Variants in EXOC1 observed in about 807,000 individuals in gnomAD.
EXOC1 encodes the protein SEC3-like 1.
In EXOC1, 67 loss-of-function variants were observed where a neutral mutation model predicts 107.7. The ratio of observed to expected loss-of-function variants is 0.62; its 90% CI spans 0.51 to 0.76. EXOC1 has a LOEUF of 0.76. Among genes scored for constraint, EXOC1 ranks in the 30% least tolerant of loss-of-function variants. EXOC1 has a pLI of 0.00. For synonymous variants in EXOC1, 348 were observed against 353.5 expected, an observed-to-expected ratio of 0.98 and a Z score of 0.17; for missense variants, 833 against 1,055.7, an observed-to-expected ratio of 0.79 and a Z score of 2.92.
chr4:55,893,576 G>A lies in EXOC1; in HGVS notation c.1749G>A (p.Met583Ile), dbSNP rs932825890. The change falls in exon 15 of 19, where the codon ATG becomes ATA. Residue 583 changes from methionine to isoleucine, a missense_variant. Met to Ile is a conservative substitution (Grantham distance 10). Around this residue, in one of 2 missense-constraint regions of EXOC1, gnomAD observed 617 missense variants for 701.3 expected, o/e 0.88. Coordinates refer to ENST00000381295, the MANE Select transcript of EXOC1 (RefSeq NM_001024924.2). The stretch of plus-strand genomic sequence containing the variant: ...GGAAAGATATGATCCGCCAAATGAT[G>A]ATTAAAATATTTCGCTGCATTGAGC... ...SSEKDMIRQM[M>I]IKIFRCIEPE... 2.5e-6 allele frequency: 4 copies of A among 1,613,534 alleles called. No homozygotes were observed. Among genetic ancestry groups the A allele is most frequent in the Non-Finnish European group, 3.4e-6 (4 of 1,179,974 alleles).
In EXOC1 at chr4:55,870,909, A is replaced by C. The variant is rs763662120; in HGVS notation, c.831+4A>C. On this transcript the variant is annotated splice_donor_region_variant and intron_variant, in intron 6 of 18. Transcript: ENST00000381295. The stretch of plus-strand genomic sequence containing the variant: ...ATCTGAGATAGAGTTCCTTGTGGTA[A>C]GTATGATCATAAATTACCAACAAAA... The C allele has an allele frequency of 1.2e-5, 19 of 1,604,396 alleles. No homozygotes were observed. The highest frequency in any genetic ancestry group is 9.4e-5 in the African/African-American group (7 of 74,300).
At position 55,899,903 on chromosome 4, in the gene EXOC1, A is replaced by G. The variant is rs1259084397; in HGVS notation, c.2337+19A>G. 1.3e-6 allele frequency: 2 copies of G among 1,592,068 alleles called. No homozygotes were observed. The highest frequency in any genetic ancestry group is 1.7e-6 in the Non-Finnish European group (2 of 1,168,416). On this transcript the variant is annotated intron_variant, in intron 17 of 18. Transcript: ENST00000381295. ...ACTAAATGTAAATATATTTTCATTCAGTATTTTTCCTACTTTTGAACCTAT... is the reference window on the plus strand; with the variant it reads ...ACTAAATGTAAATATATTTTCATTCGGTATTTTTCCTACTTTTGAACCTAT...
intron 9 of EXOC1, 140 bp from the exon 10 acceptor site, chr4:55,883,683 C>A: frequency 2.0e-6 from 1 of 492,958 alleles, no homozygotes; most frequent in East Asian, 3.6e-5. Flanking sequence ...CAGAAAGTAA[C>A]CTATTTTTAT....
At chr4:55,877,365 G>T (rs935445356) in intron 8 of EXOC1, 3 of 985,326 alleles carry the variant, frequency 3.0e-6, no homozygotes, top group Non-Finnish European at 3.6e-6. Flanking sequence ...TTTGCTTGTT[G>T]TTGGGAAATT....
chr4:55,871,209 T>C lies in EXOC1; in HGVS notation c.940T>C (p.Cys314Arg). The C allele has an allele frequency of 1.2e-6, 2 of 1,613,368 alleles. No individual in the cohort carries two copies. The highest frequency in any genetic ancestry group is 1.3e-5 in the African/African-American group (1 of 75,008). The change falls in exon 7 of 19, where the codon TGC (cysteine) becomes CGC (arginine). Residue 314 changes from cysteine to arginine, a missense_variant. Cys to Arg is a radical substitution (Grantham distance 180). Around this residue, in one of 2 missense-constraint regions of EXOC1, gnomAD observed 617 missense variants for 701.3 expected, o/e 0.88. Transcript: ENST00000381295. Reference protein sequence around the residue: ...CTNAADALLQCMNVALRPGHD... With the variant: ...CTNAADALLQRMNVALRPGHD... Reference sequence around the variant, plus strand: ...CAATGCTGCTGATGCCCTTCTGCAGTGCATGAATGTAGCTCTTCGACCAGG... The same window carrying C: ...CAATGCTGCTGATGCCCTTCTGCAGCGCATGAATGTAGCTCTTCGACCAGG...
intron 3 of EXOC1, among the ~76,000 whole-genome samples, chr4:55,862,406 T>G (rs1721563739): frequency 6.6e-6 from 1 of 152,144 alleles, no homozygotes; most frequent in Admixed American, 6.5e-5. Context: ...TAACTTAACA[T>G]TAGCCATTTA....
chr4:55,884,539 A>G (rs1723692672), intron 10 of EXOC1, among the ~76,000 whole-genome samples: 1 of 152,260 alleles, frequency 6.6e-6, no homozygotes, highest in African/African-American at 2.4e-5. Flanking sequence ...TTAAATGGAC[A>G]AAAACATTAT....
intron 8 of EXOC1, chr4:55,876,859 A>G: frequency 1.0e-6 from 1 of 985,242 alleles, no homozygotes; most frequent in Non-Finnish European, 1.2e-6. Flanking sequence ...TCTCACATGA[A>G]GAAAATTTTC....
intron 8 of EXOC1, chr4:55,877,071 G>A (rs2110346713): frequency 1.0e-6 from 1 of 976,208 alleles, no homozygotes; most frequent in Non-Finnish European, 1.2e-6. Context: ...AGGTTATTTT[G>A]TGTATATAGT....
At chr4:55,865,267 T>A (rs1347922437) in intron 4 of EXOC1, among the ~76,000 whole-genome samples, 9 of 152,196 alleles carry the variant, frequency 5.9e-5, no homozygotes, top group Non-Finnish European at 1.3e-4. Flanking sequence ...TACCATTAAT[T>A]AGTGAAAATA....
At chr4:55,860,930 G>A (rs1340459691) in intron 3 of EXOC1, among the ~76,000 whole-genome samples, 5 of 150,346 alleles carry the variant, frequency 3.3e-5, no homozygotes, top group East Asian at 1.9e-4. Context: ...GGCCTTTTGA[G>A]GCCACCATGG....
At chr4:55,882,162 G>A (rs370513090) in intron 9 of EXOC1, among the ~76,000 whole-genome samples, 20 of 151,804 alleles carry the variant, frequency 1.3e-4, no homozygotes, top group African/African-American at 4.8e-4. Flanking sequence ...GTTTTTTTAG[G>A]CAGGGTCTCA....
At chr4:55,901,161 CATAA>C (rs1326737762) in intron 17 of EXOC1, among the ~76,000 whole-genome samples, 1 of 152,076 alleles carries the variant, frequency 6.6e-6, no homozygotes, top group Non-Finnish European at 1.5e-5. Context: ...AGACCTGAAA[CATAA>C]ATAAGAGATA....
At chr4:55,903,405 A>G (rs1169906332) in intron 18 of EXOC1, among the ~76,000 whole-genome samples, 1 of 152,168 alleles carries the variant, frequency 6.6e-6, no homozygotes, top group Non-Finnish European at 1.5e-5. Context: ...TCTGAAAGTC[A>G]GATGTACTTG....
intron 2 of EXOC1, among the ~76,000 whole-genome samples, chr4:55,859,955 C>A (rs1417368566): frequency 6.6e-6 from 1 of 152,182 alleles, no homozygotes. Flanking sequence ...AGCAGTGGCT[C>A]ATGCCTGTAA....
Position 55,899,842 on chromosome 4 carries a change from T to G in EXOC1, c.2295T>G (p.Ser765=), listed in dbSNP as rs1349980180. Residue 765 remains serine (S), a synonymous_variant, in exon 17 of 19, where the codon TCT becomes TCG. Coordinates refer to ENST00000381295, the MANE Select transcript of EXOC1 (RefSeq NM_001024924.2). ...AKQKYTDHLQ[S]YVIYSLGQPL... ...AAAAATACACAGATCACCTTCAGTC[T>G]TATGTCATTTACTCTTTAGGACAAC... is the stretch of plus-strand genomic sequence containing the variant. 1.9e-6 allele frequency: 3 copies of G among 1,612,324 alleles called. No individual in the cohort carries two copies. The highest frequency in any genetic ancestry group is 3.3e-5 in the Admixed American group (2 of 59,936).
chr4:55,896,064 T>A (rs1045484629), intron 15 of EXOC1, among the ~76,000 whole-genome samples: 1 of 152,226 alleles, frequency 6.6e-6, no homozygotes, highest in Non-Finnish European at 1.5e-5. Context: ...TGCCTTGTAC[T>A]CATCTTTCAT....
At position 55,868,411 on chromosome 4, in the gene EXOC1, A is replaced by G; in HGVS notation, c.491A>G (p.Asn164Ser). The change falls in exon 5 of 19, where the codon AAT (asparagine) becomes AGT (serine). Residue 164 changes from asparagine (N) to serine (S), a missense_variant. This residue lies in a region of EXOC1 where 617 missense variants were observed against 701.3 expected (regional missense o/e 0.88). Transcript: ENST00000381295. ...EEVVDEYQEL[N>S]AREEQDIEIM... Reference sequence around the variant, plus strand: ...GTAGTAGATGAATACCAAGAGTTAAATGCAAGAGAAGAACAGGATATCGAA... The same window carrying G: ...GTAGTAGATGAATACCAAGAGTTAAGTGCAAGAGAAGAACAGGATATCGAA... 1 of 1,613,882 alleles carries G rather than the reference A, an allele frequency of 6.2e-7. No homozygotes were observed. The highest frequency in any genetic ancestry group is 8.5e-7 in the Non-Finnish European group (1 of 1,179,834).
chr4:55,900,876 TCAAAA>T (rs1311560351), intron 17 of EXOC1, among the ~76,000 whole-genome samples: 2 of 152,042 alleles, frequency 1.3e-5, no homozygotes, highest in African/African-American at 4.8e-5. Context: ...AGACTCAGTC[TCAAAA>T]CAAAACAAAA....
Sources: gnomAD v4.1 joint callset for allele counts (sites outside exome capture counted in the v4.1 genomes callset) on GRCh38, gnomAD v4.1.1 for gene constraint, gnomAD v4.1.1 regional missense constraint, MANE v1.5 for transcripts, NCBI Gene and HGNC (gene_info 2026-07-23, HGNC 2026-07-21) for gene names.